Variants in TNRC6B observed in about 807,000 individuals in gnomAD.
TNRC6B encodes trinucleotide repeat containing adaptor 6B.
In TNRC6B, 52 loss-of-function variants were observed where a neutral mutation model predicts 203.6. The observed-to-expected ratio is 0.26, with a 90% CI of 0.20 to 0.32. TNRC6B has a LOEUF of 0.32. TNRC6B is among the 10% of genes least tolerant of loss of function. TNRC6B has a pLI of 1.00. For missense variants in TNRC6B, 1,923 were observed against 2,286.2 expected, an observed-to-expected ratio of 0.84 and a Z score of 3.24; for synonymous variants, 838 against 845.7, an observed-to-expected ratio of 0.99 and a Z score of 0.16.
At chr22:40,210,616 T>G (rs1312268054) in intron 1 of TNRC6B, among the ~76,000 whole-genome samples, 2 of 152,242 alleles carry the variant, frequency 1.3e-5, no homozygotes, top group South Asian at 2.1e-4. Context: ...TTTACACTAT[T>G]TAAGTTTGCC....
chr22:40,169,224 C>T (rs940644572), intron 4 of TNRC6B, among the ~76,000 whole-genome samples: 1 of 150,984 alleles, frequency 6.6e-6, no homozygotes, highest in South Asian at 2.1e-4. Flanking sequence ...CTCTGCCTCC[C>T]GGGTTCAAGC....
intron 4 of TNRC6B, chr22:40,156,193 GT>G (rs755148183): frequency 3.8e-6 from 6 of 1,562,758 alleles, no homozygotes; most frequent in Non-Finnish European, 5.2e-6. Context: ...GTGAGTCACA[GT>G]TTATTTAAAA....
At chr22:40,162,151 C>T (rs185979734) in intron 4 of TNRC6B, among the ~76,000 whole-genome samples, 1 of 152,262 alleles carries the variant, frequency 6.6e-6, no homozygotes, top group Non-Finnish European at 1.5e-5. Context: ...AACTGGAGTG[C>T]AATGGCGCAA....
intron 3 of TNRC6B, among the ~76,000 whole-genome samples, chr22:40,155,189 T>TG (rs1329162209): frequency 6.6e-5 from 10 of 152,248 alleles, no homozygotes; most frequent in African/African-American, 2.4e-4. Context: ...CTTTTGTATA[T>TG]GTGCAAAAGC....
chr22:40,313,933 C>T (rs1488325813), intron 19 of TNRC6B, among the ~76,000 whole-genome samples: 1 of 152,204 alleles, frequency 6.6e-6, no homozygotes, highest in African/African-American at 2.4e-5. Context: ...GCAGATATAA[C>T]TTGCCTCAGT....
chr22:40,167,183 A>C (rs1337251385), intron 4 of TNRC6B, among the ~76,000 whole-genome samples: 1 of 152,224 alleles, frequency 6.6e-6, no homozygotes, highest in Non-Finnish European at 1.5e-5. Flanking sequence ...TATGAAAACC[A>C]CATAAATTTA....
chr22:40,133,381 G>A (rs1272078871), intron 3 of TNRC6B, among the ~76,000 whole-genome samples: 1 of 152,100 alleles, frequency 6.6e-6, no homozygotes, highest in African/African-American at 2.4e-5. Context: ...CCTACTAGTT[G>A]CTGATGTCGT....
intron 4 of TNRC6B, among the ~76,000 whole-genome samples, chr22:40,164,861 A>C (rs1254707154): frequency 2.7e-5 from 4 of 146,650 alleles, no homozygotes; most frequent in Non-Finnish European, 4.5e-5. Context: ...CACTCACTGC[A>C]ACCTCCGCCT....
chr22:40,076,290 A>C (rs542579507), intron 1 of TNRC6B, among the ~76,000 whole-genome samples: 1 of 152,282 alleles, frequency 6.6e-6, no homozygotes, highest in East Asian at 1.9e-4. Context: ...GGCAGCATAC[A>C]TCTGTAGTTC....
chr22:40,183,696 GTT>G, intron 1 of TNRC6B, among the ~76,000 whole-genome samples: 1 of 142,986 alleles, frequency 7.0e-6, no homozygotes, highest in African/African-American at 2.5e-5. Flanking sequence ...TTACTAGGTT[GTT>G]TTTTTTTTTT....
At chr22:40,083,346 GC>G (rs2068075877) in intron 1 of TNRC6B, among the ~76,000 whole-genome samples, 2 of 152,160 alleles carry the variant, frequency 1.3e-5, no homozygotes, top group African/African-American at 4.8e-5. Context: ...ATTGAGTGCT[GC>G]TGAAAGGGTT....
chr22:40,181,018 C>G (rs1189180287), intron 1 of TNRC6B, among the ~76,000 whole-genome samples: 2 of 152,292 alleles, frequency 1.3e-5, no homozygotes, highest in South Asian at 2.1e-4. Context: ...TAGCGTTCAT[C>G]AGAAGTGGTA....
In TNRC6B at chr22:40,235,451, C is replaced by T. The variant is rs6001847; in HGVS notation, c.6-10564C>T. 1.4e-3 allele frequency among the ~76,000 whole-genome samples: 215 copies of T among 152,298 alleles called. 1 individual carries two copies. Among genetic ancestry groups the T allele is most frequent in the African/African-American group, 4.9e-3 (205 of 41,566 alleles). On this transcript the variant is annotated intron_variant, in intron 1 of 22. Coordinates refer to ENST00000454349, the MANE Select transcript of TNRC6B (RefSeq NM_001162501.2). ...AGGACCACGTCATCCCTACAACGCT[C>T]TCTGAGAAGATGGGTGCCCTGTGTG...
intron 3 of TNRC6B, among the ~76,000 whole-genome samples, chr22:40,260,421 G>A (rs1185362854): frequency 1.3e-5 from 2 of 152,148 alleles, no homozygotes; most frequent in African/African-American, 2.4e-5. Flanking sequence ...GGAAGTCATG[G>A]CCTGGTGAGG....
At chr22:40,221,468 C>G (rs750319544) in intron 1 of TNRC6B, among the ~76,000 whole-genome samples, 2 of 152,138 alleles carry the variant, frequency 1.3e-5, no homozygotes, top group African/African-American at 2.4e-5. Context: ...GAGACAAGAT[C>G]TTGCTTGGTT....
upstream of TNRC6B, among the ~76,000 whole-genome samples, chr22:40,176,075 G>C (rs2069053492): frequency 6.6e-6 from 1 of 151,840 alleles, no homozygotes; most frequent in African/African-American, 2.4e-5. Context: ...CCCTTTTCTG[G>C]CTTATAGAGA....
At chr22:40,302,356 C>T (rs1015196473) in intron 15 of TNRC6B, among the ~76,000 whole-genome samples, 4 of 152,172 alleles carry the variant, frequency 2.6e-5, no homozygotes, top group East Asian at 3.9e-4. Context: ...CGAGTTGGGC[C>T]GCGCGCGGTG....
intron 3 of TNRC6B, among the ~76,000 whole-genome samples, chr22:40,139,599 C>T (rs987279207): frequency 5.3e-5 from 8 of 151,992 alleles, no homozygotes; most frequent in African/African-American, 1.7e-4. Flanking sequence ...CCCAAAGTGC[C>T]GGGATTACAG....
intron 4 of TNRC6B, among the ~76,000 whole-genome samples, chr22:40,172,491 TG>T (rs767327280): frequency 2.6e-5 from 4 of 152,244 alleles, no homozygotes; most frequent in Non-Finnish European, 5.9e-5. Context: ...TAACCATCCT[TG>T]TATTGTTGGT....
Sources: gnomAD v4.1 joint callset for allele counts (sites outside exome capture counted in the v4.1 genomes callset) on GRCh38, gnomAD v4.1.1 for gene constraint, MANE v1.5 for transcripts, NCBI Gene and HGNC (gene_info 2026-07-23, HGNC 2026-07-21) for gene names.